The following MX2 variants were observed in gnomAD, a reference collection of about 807,000 sequenced individuals.
MX2 encodes the protein interferon-induced GTP-binding protein Mx2.
Under a neutral mutation model 74.0 loss-of-function variants are expected in MX2, and 51 were observed. That is an observed-to-expected ratio of 0.69 (90% confidence interval 0.55 to 0.87). MX2 has a LOEUF of 0.87. Among genes scored for constraint, MX2 ranks in the 40% least tolerant of loss-of-function variants. The probability of loss-of-function intolerance (pLI) is 0.00; values close to 1 mark genes in which losing one functional copy is unlikely to be tolerated. For synonymous variants in MX2, 369 were observed against 339.3 expected (o/e 1.09, Z -0.96); for missense variants, 832 against 908.7 (o/e 0.92, Z 1.09).
intron 6 of MX2, among the ~76,000 whole-genome samples, chr21:41,391,824 A>G (rs940484121): frequency 4.2e-5 from 6 of 141,628 alleles, no homozygotes; most frequent in African/African-American, 1.5e-4. Flanking sequence ...ATTTTATTTT[A>G]TTGTTAACTT....
At chr21:41,382,585 G>A (rs766602204) in intron 5 of MX2, 21 bp downstream of exon 5, 13 of 1,613,772 alleles carry the variant, frequency 8.1e-6, no homozygotes, top group Middle Eastern at 1.6e-4. Flanking sequence ...CTGGAATTTG[G>A]GATTGGGCTC....
chr21:41,390,478 C>A, intron 5 of MX2, 87 bp from the exon 6 acceptor site: 1 of 1,560,992 alleles, frequency 6.4e-7, no homozygotes, highest in Non-Finnish European at 8.8e-7. Flanking sequence ...GTTGCCTTTG[C>A]GCCATCATGC....
Position 41,408,944 on chromosome 21 carries a change from G to A in MX2, c.*711G>A, listed in dbSNP as rs2089921542. On this transcript the variant is annotated 3_prime_UTR_variant, in exon 14 of 14. Coordinates refer to ENST00000330714, the MANE Select transcript of MX2 (RefSeq NM_002463.2). ...AGCAAAGAAACTTTTTAAAAACGTA[G>A]CCAGGTTCAGTGACTCATACCTGTA... 6.6e-6 allele frequency: 1 copy of A among 152,244 alleles called. No individual in the cohort carries two copies. The highest frequency in any genetic ancestry group is 2.4e-5 in the African/African-American group (1 of 41,458). 9.4% of individuals were successfully genotyped at this position (152,244 alleles called of 1,614,324 possible).
At chr21:41,405,242 A>G (rs918958510) in intron 12 of MX2, among the ~76,000 whole-genome samples, 1 of 152,010 alleles carries the variant, frequency 6.6e-6, no homozygotes, top group Non-Finnish European at 1.5e-5. Flanking sequence ...CTGGGTAACA[A>G]AGAGAGACTC....
At position 41,388,651 on chromosome 21, in the gene MX2, G is replaced by A. The variant is rs73370139; in HGVS notation, c.733-1914G>A. ...CCCAGGATGGGCCCCACACCTGGTG[G>A]GCACTGCTAATGTTTGCTGCATGCA... On this transcript the variant is annotated intron_variant, in intron 5 of 13. Transcript: ENST00000330714. This position sits in a 1 kb window ranked among gnomAD's most constrained non-coding sequence, Gnocchi z 4.0. Among the ~76,000 whole-genome samples, 12,917 of 152,158 alleles carry A rather than the reference G, an allele frequency of 0.085. 1,022 individuals are homozygous for A. Among genetic ancestry groups the A allele is most frequent in the African/African-American group, 0.21 (8,680 of 41,466 alleles).
intron 12 of MX2, chr21:41,403,670 C>T (rs1311721481): frequency 5.3e-6 from 3 of 561,744 alleles, no homozygotes; most frequent in Non-Finnish European, 1.1e-5. Flanking sequence ...TAAAGCACAG[C>T]ATTGTTTACT....
At chr21:41,401,777 T>C in intron 10 of MX2, 193 bp from the exon 11 acceptor site, 1 of 538,548 alleles carries the variant, frequency 1.9e-6, no homozygotes, top group Non-Finnish European at 3.2e-6. Context: ...ATAAGATTTT[T>C]TTCCCCCAAA....
chr21:41,383,721 G>A (rs1174673580), intron 5 of MX2, among the ~76,000 whole-genome samples: 1 of 152,136 alleles, frequency 6.6e-6, no homozygotes, highest in Non-Finnish European at 1.5e-5. Flanking sequence ...TGCTGTTTGG[G>A]GCAAAATCTT....
rs1227378982 is a variant in MX2 at position 41,402,336 on chromosome 21, G to T, written c.1573+208G>T. On this transcript the variant is annotated intron_variant, in intron 11 of 13. Transcript: ENST00000330714. This position sits in a 1 kb window ranked among gnomAD's most constrained non-coding sequence, Gnocchi z 4.5. ...TCAGAGCTACCGATTCTGCCCTTCT[G>T]CCTGAGAACTCGTACTGAGGTTTCC... 3 of 534,798 alleles carry T rather than the reference G, an allele frequency of 5.6e-6. No individual in the cohort carries two copies. Among genetic ancestry groups the T allele is most frequent in the Non-Finnish European group, 9.4e-6 (3 of 318,662 alleles). 33.1% of individuals were successfully genotyped at this position (534,798 alleles called of 1,614,324 possible). A position where few individuals can be genotyped will look rare whatever the true frequency, so the allele number is the denominator to read the frequency against.
intron 12 of MX2, chr21:41,403,723 C>T (rs1310882726): frequency 4.2e-6 from 2 of 471,626 alleles, no homozygotes; most frequent in East Asian, 6.7e-5. Flanking sequence ...AAGATGTTGC[C>T]GTAGCTCTGT....
At chr21:41,378,816 C>A (rs1369405067) in intron 3 of MX2, among the ~76,000 whole-genome samples, 1 of 152,178 alleles carries the variant, frequency 6.6e-6, no homozygotes, top group East Asian at 1.9e-4. Context: ...CAAGAAGGAG[C>A]AGCATGCAGG....
At chr21:41,379,604 G>A (rs2089460544) in intron 3 of MX2, among the ~76,000 whole-genome samples, 1 of 152,004 alleles carries the variant, frequency 6.6e-6, no homozygotes, top group African/African-American at 2.4e-5. Flanking sequence ...CTGCCCACCG[G>A]GACAATTACA....
intron 1 of MX2, among the ~76,000 whole-genome samples, chr21:41,362,750 CTTTTT>C (rs56903696): frequency 7.3e-5 from 6 of 82,158 alleles, no homozygotes; most frequent in African/African-American, 9.9e-5. Flanking sequence ...GTTTTTTTTT[CTTTTT>C]TTTTTTTTTT....
intron 1 of MX2, among the ~76,000 whole-genome samples, chr21:41,371,644 T>A (rs1270366591): frequency 6.6e-6 from 1 of 152,188 alleles, no homozygotes; most frequent in African/African-American, 2.4e-5. Flanking sequence ...TATGATCTCA[T>A]GGGGTGCTGG....
chr21:41,406,374 C>T (rs1311146211), intron 12 of MX2, among the ~76,000 whole-genome samples: 1 of 152,180 alleles, frequency 6.6e-6, no homozygotes, highest in Non-Finnish European at 1.5e-5. Context: ...TCCCAGTGTT[C>T]GTCAGCACTG....
Position 41,404,662 on chromosome 21 carries a change from A to G in MX2, c.1650+1319A>G, listed in dbSNP as rs576039718. ...GCTCTGACCAGCACTCAGTGAATCT[A>G]TGTGTTAAATGTGAAAAGAAAGGCG... is the stretch of plus-strand genomic sequence containing the variant. On this transcript the variant is annotated intron_variant, in intron 12 of 13. Transcript: ENST00000330714. 13 of 152,290 alleles carry G rather than the reference A, an allele frequency of 8.5e-5. No homozygotes were observed. In the East Asian group the frequency reaches 1.4e-3, roughly 16 times the overall value. The allele number at this position is 152,290 out of a possible 1,614,324, so 9.4% of individuals were successfully genotyped here.
intron 7 of MX2, among the ~76,000 whole-genome samples, chr21:41,396,779 C>T (rs2089742419): frequency 6.6e-6 from 1 of 152,300 alleles, no homozygotes; most frequent in Non-Finnish European, 1.5e-5. Context: ...AACTCTCCTC[C>T]TTGAGCTGGG....
chr21:41,401,501 A>G (rs943676456), intron 10 of MX2: 4 of 153,504 alleles, frequency 2.6e-5, no homozygotes, highest in African/African-American at 7.2e-5. Flanking sequence ...TCATTCCCAG[A>G]TAGCTGGGAC....
intron 12 of MX2, among the ~76,000 whole-genome samples, chr21:41,405,921 C>T (rs1317548320): frequency 6.6e-6 from 1 of 150,782 alleles, no homozygotes; most frequent in Non-Finnish European, 1.5e-5. Flanking sequence ...CCAAGCTGGT[C>T]TCAAACTCCT....
Sources: allele counts gnomAD v4.1 joint callset (sites outside exome capture counted in the v4.1 genomes callset), GRCh38; gene constraint gnomAD v4.1.1; non-coding constraint Gnocchi (gnomAD v3.1); transcripts MANE v1.5; gene names NCBI Gene and HGNC (gene_info 2026-07-23, HGNC 2026-07-21).